Variants in SORCS3 observed in about 807,000 individuals in gnomAD.
SORCS3 encodes the protein VPS10 domain-containing receptor SorCS3.
In SORCS3, 57 loss-of-function variants were observed where a neutral mutation model predicts 146.3. That is an observed-to-expected ratio of 0.39 (90% CI 0.31 to 0.49). SORCS3 has a LOEUF of 0.49. Ranked by LOEUF, SORCS3 falls within the 20% of genes least tolerant of loss-of-function variation. The pLI, the probability that SORCS3 is intolerant of heterozygous loss-of-function variation, is 0.92. For synonymous variants in SORCS3, 653 were observed against 618.5 expected (o/e 1.06, Z -0.83); for missense variants, 1,341 against 1,575.5 (o/e 0.85, Z 2.52).
intron 11 of SORCS3, among the ~76,000 whole-genome samples, chr10:105,162,227 T>A (rs1173963403): frequency 2.0e-5 from 3 of 152,208 alleles, no homozygotes; most frequent in Non-Finnish European, 4.4e-5. Context: ...GAAAGCAAGT[T>A]GTTTAAAACT....
At chr10:104,802,424 C>T (rs1192395375) in intron 1 of SORCS3, among the ~76,000 whole-genome samples, 1 of 152,152 alleles carries the variant, frequency 6.6e-6, no homozygotes, top group African/African-American at 2.4e-5. Flanking sequence ...ACTGATGGAT[C>T]TCTTTGGAAT....
rs570768731 is a variant in SORCS3 at position 104,691,880 on chromosome 10, A to G, written c.627+49926A>G. Among the ~76,000 whole-genome samples, 10 of 152,264 alleles carry G rather than the reference A, an allele frequency of 6.6e-5. No individual in the cohort carries two copies. The South Asian group carries it at 2.1e-3, about 32-fold the overall frequency. On this transcript the variant is annotated intron_variant, in intron 1 of 26. Transcript: ENST00000369701. ...CTCAGCCTCCTAAGTAGCTAGGACT[A>G]TAGGTGTGGACCACCACACCTGGCT...
chr10:105,153,763 C>A (rs895967385), intron 9 of SORCS3, among the ~76,000 whole-genome samples: 2 of 151,582 alleles, frequency 1.3e-5, no homozygotes, highest in Non-Finnish European at 2.9e-5. Flanking sequence ...ACCCAGTATA[C>A]CTGGATGGAT....
intron 17 of SORCS3, among the ~76,000 whole-genome samples, chr10:105,211,519 G>A (rs957230850): frequency 4.6e-5 from 7 of 152,088 alleles, no homozygotes; most frequent in Admixed American, 2.0e-4. Flanking sequence ...CTTCTCTTCT[G>A]GAAGGTCATG....
intron 1 of SORCS3, among the ~76,000 whole-genome samples, chr10:104,702,926 C>T (rs928957109): frequency 6.6e-6 from 1 of 152,174 alleles, no homozygotes; most frequent in African/African-American, 2.4e-5. Flanking sequence ...TGAGCACATA[C>T]TTCCTGCCCT....
chr10:104,895,836 T>G (rs945461948), intron 2 of SORCS3, among the ~76,000 whole-genome samples: 3 of 152,210 alleles, frequency 2.0e-5, no homozygotes, highest in Non-Finnish European at 4.4e-5. Flanking sequence ...TCCTCTCACT[T>G]TGTTTCTCTG....
intron 1 of SORCS3, among the ~76,000 whole-genome samples, chr10:104,660,465 A>G (rs929794467): frequency 1.3e-5 from 2 of 152,190 alleles, no homozygotes; most frequent in Non-Finnish European, 1.5e-5. Flanking sequence ...CTTCTCAGGT[A>G]TGGGGGCTGG....
intron 24 of SORCS3, 71 bp downstream of exon 24, chr10:105,255,872 T>A: frequency 3.2e-6 from 4 of 1,239,724 alleles, no homozygotes; most frequent in Non-Finnish European, 4.7e-6. Flanking sequence ...GAGGAGAGAA[T>A]CATGAAACCC....
At chr10:105,005,872 A>T (rs1392598640) in intron 4 of SORCS3, among the ~76,000 whole-genome samples, 1 of 152,166 alleles carries the variant, frequency 6.6e-6, no homozygotes, top group East Asian at 1.9e-4. Flanking sequence ...ATGCCAAATA[A>T]TCCACTCTAA....
intron 10 of SORCS3, 65 bp downstream of exon 10, chr10:105,157,349 G>A (rs1301437630): frequency 6.3e-7 from 1 of 1,590,686 alleles, no homozygotes; most frequent in Non-Finnish European, 8.6e-7. Flanking sequence ...GCTGTGTCGA[G>A]GGCTTTGTTT....
intron 1 of SORCS3, among the ~76,000 whole-genome samples, chr10:104,824,433 A>G (rs559754507): frequency 9.2e-5 from 14 of 152,166 alleles, no homozygotes; most frequent in Non-Finnish European, 1.3e-4. Context: ...TGTGTCTCTC[A>G]TCCCTACATC....
chr10:104,943,298 G>A (rs865808395), intron 3 of SORCS3, among the ~76,000 whole-genome samples: 1 of 151,916 alleles, frequency 6.6e-6, no homozygotes, highest in Non-Finnish European at 1.5e-5. Context: ...CCCAGCTAAT[G>A]TTTTGTATTT....
intron 4 of SORCS3, among the ~76,000 whole-genome samples, chr10:104,990,413 C>T (rs1037990870): frequency 3.3e-5 from 5 of 151,952 alleles, no homozygotes; most frequent in African/African-American, 9.7e-5. Flanking sequence ...TAGTCCTTGG[C>T]TTGGGGCCTG....
chr10:104,657,778 T>C (rs1467151564), intron 1 of SORCS3, among the ~76,000 whole-genome samples: 3 of 152,218 alleles, frequency 2.0e-5, no homozygotes, highest in African/African-American at 7.2e-5. Flanking sequence ...ACTGTGAAGA[T>C]AGAATTTCAC....
intron 2 of SORCS3, among the ~76,000 whole-genome samples, chr10:104,868,100 G>C (rs1476224988): frequency 1.3e-5 from 2 of 152,246 alleles, no homozygotes; most frequent in East Asian, 3.9e-4. Flanking sequence ...TAATTGCTGA[G>C]GAGCCTCATG....
At chr10:105,172,087 C>T (rs2056365082) in intron 13 of SORCS3, among the ~76,000 whole-genome samples, 1 of 152,142 alleles carries the variant, frequency 6.6e-6, no homozygotes, top group Admixed American at 6.6e-5. Context: ...TACTTGTAAT[C>T]TCTGTGCATT....
rs558412391 is a variant in SORCS3, at chr10:105,007,070, T to C, written c.954+29577T>C. Among the ~76,000 whole-genome samples, 235 of 152,274 alleles carry C rather than the reference T, an allele frequency of 1.5e-3. No homozygotes were observed. The Middle Eastern group carries it at 0.017, about 11-fold the overall frequency. ...TCCCAGCACAAGATCTTCACTCTAGTGACAGCTCACATTCTAGTGAAAGCT... is the reference window on the plus strand; with the variant it reads ...TCCCAGCACAAGATCTTCACTCTAGCGACAGCTCACATTCTAGTGAAAGCT... On this transcript the variant is annotated intron_variant, in intron 4 of 26. Coordinates refer to ENST00000369701, the MANE Select transcript of SORCS3 (RefSeq NM_014978.3).
At chr10:104,925,560 T>C (rs2133606857) in intron 3 of SORCS3, among the ~76,000 whole-genome samples, 1 of 152,340 alleles carries the variant, frequency 6.6e-6, no homozygotes, top group Middle Eastern at 3.4e-3. Context: ...ATGAATATTT[T>C]CCCCCAAACC....
Position 105,196,066 on chromosome 10 carries a change from TCCTGACTGAGCA to T in SORCS3, c.2010-3929_2010-3918del, listed in dbSNP as rs1392407593. 3.3e-5 allele frequency among the ~76,000 whole-genome samples: 5 copies of T among 152,298 alleles called. No homozygotes were observed. In the East Asian group the frequency reaches 5.8e-4, roughly 18 times the overall value. Reference sequence around the variant, plus strand: ...CAGAACAATCGAACAAGTCTGTAAGTCCTGACTGAGCACCTATTCTTGTGTTCTGTCCTGAAA... The same window carrying T: ...CAGAACAATCGAACAAGTCTGTAAGTCCTATTCTTGTGTTCTGTCCTGAAA... On this transcript the variant is annotated intron_variant, in intron 14 of 26. Coordinates refer to ENST00000369701, the MANE Select transcript of SORCS3 (RefSeq NM_014978.3).
Sources: gnomAD v4.1 joint callset for allele counts (sites outside exome capture counted in the v4.1 genomes callset) on GRCh38, gnomAD v4.1.1 for gene constraint, MANE v1.5 for transcripts, NCBI Gene and HGNC (gene_info 2026-07-23, HGNC 2026-07-21) for gene names.